WIPF3: variants seen among roughly 807,000 people sequenced by gnomAD.
WIPF3 encodes the protein WAS/WASL interacting protein family member 3, also known as WAS/WASL-interacting protein family member 3.
WIPF3 carries 33 observed loss-of-function variants against 38.9 expected under a neutral mutation model. That is an observed-to-expected ratio of 0.85 (90% CI 0.64 to 1.14). WIPF3 has a LOEUF of 1.14. Ranked by LOEUF, WIPF3 falls within the 50% of genes most tolerant of loss-of-function variation. WIPF3 has a pLI of 0.00. For synonymous variants in WIPF3, 324 were observed against 269.3 expected (o/e 1.20, Z -1.99); for missense variants, 711 against 652.5 (o/e 1.09, Z -0.98).
At position 29,884,264 on chromosome 7, in the gene WIPF3, T is replaced by TTGCCC; in HGVS notation, c.770_771insTGCCC (p.Pro258AlafsTer118). The TTGCCC allele has an allele frequency of 9.0e-4, 1,185 of 1,313,642 alleles. No homozygotes were observed. The highest frequency in any genetic ancestry group is 1.2e-3 in the Middle Eastern group (5 of 4,240). 81.4% of individuals were successfully genotyped at this position (1,313,642 alleles called of 1,614,324 possible). A position where few individuals can be genotyped will look rare whatever the true frequency, so the allele number is the denominator to read the frequency against. ...AAGCCTCAGCTGGCTCCCTTGCACC[T>TTGCCC]CCCGCCCATCCCGCCCCCGCTCCCT... is the stretch of plus-strand genomic sequence containing the variant. On this transcript the variant is annotated frameshift_variant, in exon 5 of 9. Coordinates refer to ENST00000242140, the MANE Select transcript of WIPF3 (RefSeq NM_001080529.3). LOFTEE classifies it high-confidence loss of function.
At chr7:29,848,287 A>G (rs932774734) in intron 2 of WIPF3, among the ~76,000 whole-genome samples, 1 of 152,208 alleles carries the variant, frequency 6.6e-6, no homozygotes, top group African/African-American at 2.4e-5. Flanking sequence ...CTCCATTCAA[A>G]CATTTTAAAC....
At chr7:29,902,130 C>G (rs1044152835) in intron 7 of WIPF3, among the ~76,000 whole-genome samples, 1 of 152,054 alleles carries the variant, frequency 6.6e-6, no homozygotes, top group Non-Finnish European at 1.5e-5. Context: ...GTCAATAAAG[C>G]CAAGATTGCA....
At chr7:29,838,824 A>G (rs1011638854) in intron 2 of WIPF3, among the ~76,000 whole-genome samples, 2 of 152,224 alleles carry the variant, frequency 1.3e-5, no homozygotes, top group South Asian at 4.1e-4. Flanking sequence ...TATGTCCATC[A>G]ATGGCAGAAT....
At chr7:29,904,449 CAG>C in intron 8 of WIPF3, 87 bp downstream of exon 8, 2 of 1,318,614 alleles carry the variant, frequency 1.5e-6, no homozygotes, top group South Asian at 2.4e-5. Flanking sequence ...TTCTCCTAAA[CAG>C]CTTTATATTT....
intron 2 of WIPF3, among the ~76,000 whole-genome samples, chr7:29,868,309 G>A (rs1314497674): frequency 1.3e-5 from 2 of 152,090 alleles, no homozygotes; most frequent in African/African-American, 4.8e-5. Context: ...GCTGAAATGA[G>A]GCTCCAACTG....
chr7:29,874,951 A>G (rs1403672591), intron 2 of WIPF3, among the ~76,000 whole-genome samples: 1 of 152,200 alleles, frequency 6.6e-6, no homozygotes, highest in Non-Finnish European at 1.5e-5. Flanking sequence ...GGCCTTTGGG[A>G]TTCAGCTGAT....
intron 4 of WIPF3, among the ~76,000 whole-genome samples, chr7:29,881,068 G>A (rs1464272228): frequency 2.0e-5 from 3 of 152,158 alleles, no homozygotes; most frequent in East Asian, 1.9e-4. Flanking sequence ...TCATCCGCAG[G>A]TGTCCACGTG....
At chr7:29,855,135 T>C (rs1013071517) in intron 2 of WIPF3, among the ~76,000 whole-genome samples, 1 of 152,232 alleles carries the variant, frequency 6.6e-6, no homozygotes, top group African/African-American at 2.4e-5. Context: ...GCCATTAACC[T>C]GAGGAAAGGC....
At chr7:29,854,073 C>T (rs544194373) in intron 2 of WIPF3, among the ~76,000 whole-genome samples, 12 of 152,290 alleles carry the variant, frequency 7.9e-5, no homozygotes, top group South Asian at 2.1e-4. Context: ...CTTGCCTTGC[C>T]GTTCCTGGCA....
intron 1 of WIPF3, among the ~76,000 whole-genome samples, chr7:29,824,525 A>G (rs553421147): frequency 2.6e-5 from 4 of 152,014 alleles, no homozygotes; most frequent in African/African-American, 7.2e-5. Flanking sequence ...CCTGAATACC[A>G]TGGGCAGACT....
intron 2 of WIPF3, among the ~76,000 whole-genome samples, chr7:29,858,133 G>T (rs1785215602): frequency 6.6e-6 from 1 of 152,092 alleles, no homozygotes; most frequent in Non-Finnish European, 1.5e-5. Flanking sequence ...AGTATTTTTG[G>T]TTCTTAAAGT....
intron 2 of WIPF3, among the ~76,000 whole-genome samples, chr7:29,839,570 G>A (rs954407952): frequency 3.9e-5 from 6 of 152,192 alleles, no homozygotes; most frequent in Admixed American, 3.3e-4. Flanking sequence ...GACCTCATGA[G>A]CAAGCAATCA....
intron 2 of WIPF3, among the ~76,000 whole-genome samples, chr7:29,868,621 A>G (rs972244278): frequency 3.9e-5 from 6 of 151,954 alleles, no homozygotes; most frequent in African/African-American, 1.5e-4. Context: ...CGATTAACAA[A>G]GGGTATATGT....
intron 2 of WIPF3, among the ~76,000 whole-genome samples, chr7:29,851,529 T>C (rs1440197069): frequency 2.0e-5 from 3 of 152,246 alleles, no homozygotes; most frequent in Admixed American, 1.3e-4. Context: ...AACAATATAC[T>C]TTTGTGTTCC....
rs539450334 is a variant in WIPF3, at chr7:29,807,634, G to T, written c.-58+956G>T. On this transcript the variant is annotated intron_variant, in intron 1 of 8. Transcript: ENST00000242140. Reference sequence around the variant, plus strand: ...TGTGTGCGCCTCCCTCTGGAAAGAAGTTTCTGCAGGGAAAGGCCAGGAGAG... The same window carrying T: ...TGTGTGCGCCTCCCTCTGGAAAGAATTTTCTGCAGGGAAAGGCCAGGAGAG... 2.0e-5 allele frequency among the ~76,000 whole-genome samples: 3 copies of T among 152,380 alleles called. 1 individual carries two copies. The South Asian group carries it at 6.2e-4, about 32-fold the overall frequency.
intron 2 of WIPF3, among the ~76,000 whole-genome samples, chr7:29,853,509 C>T (rs1217979296): frequency 2.6e-5 from 4 of 152,214 alleles, no homozygotes; most frequent in African/African-American, 9.7e-5. Context: ...CCCTAAAGCC[C>T]CAGGGCAGTC....
intron 7 of WIPF3, among the ~76,000 whole-genome samples, chr7:29,894,874 T>C (rs1786101423): frequency 6.6e-6 from 1 of 152,150 alleles, no homozygotes; most frequent in Non-Finnish European, 1.5e-5. Flanking sequence ...TTTTCTTCCA[T>C]TGAGTGAATG....
At chr7:29,903,114 G>A (rs1786321589) in intron 7 of WIPF3, among the ~76,000 whole-genome samples, 1 of 151,936 alleles carries the variant, frequency 6.6e-6, no homozygotes, top group African/African-American at 2.4e-5. Context: ...GAAACATAGT[G>A]AGACCCTGTC....
intron 3 of WIPF3, among the ~76,000 whole-genome samples, chr7:29,876,804 G>T (rs887941110): frequency 6.6e-6 from 1 of 152,208 alleles, no homozygotes; most frequent in African/African-American, 2.4e-5. Flanking sequence ...CTTCTAGAAT[G>T]TGACAGAGTA....
Sources: gnomAD v4.1 joint callset for allele counts (sites outside exome capture counted in the v4.1 genomes callset) on GRCh38, gnomAD v4.1.1 for gene constraint, MANE v1.5 for transcripts, NCBI Gene and HGNC (gene_info 2026-07-23, HGNC 2026-07-21) for gene names.